The following ADARB2 variants were observed in gnomAD, a reference collection of about 807,000 sequenced individuals.
The protein encoded by ADARB2 is inactive double-stranded RNA-specific editase B2.
Under a neutral mutation model 62.2 loss-of-function variants are expected in ADARB2, and 25 were observed. That is an observed-to-expected ratio of 0.40 (90% CI 0.29 to 0.56). The LOEUF (loss-of-function observed/expected upper bound fraction) is 0.56. Among genes scored for constraint, ADARB2 ranks in the 20% least tolerant of loss-of-function variants. The pLI is 0.43. For missense variants in ADARB2, 1,071 were observed against 1,077.4 expected (o/e 0.99, Z 0.08); for synonymous variants, 572 against 500.8 (o/e 1.14, Z -1.90).
intron 3 of ADARB2, among the ~76,000 whole-genome samples, chr10:1,355,870 CAT>C (rs565144099): frequency 1.8e-4 from 28 of 152,160 alleles, no homozygotes; most frequent in East Asian, 1.2e-3. Flanking sequence ...GTTGTGTAAA[CAT>C]ATCACAATTG....
intron 1 of ADARB2, among the ~76,000 whole-genome samples, chr10:1,733,356 G>T (rs884860): frequency 0.48 from 73,261 of 151,998 alleles, 18,089 homozygotes; most frequent in Non-Finnish European, 0.52. Context: ...ATGGGTAGAA[G>T]ATTAAAAATA....
intron 1 of ADARB2, among the ~76,000 whole-genome samples, chr10:1,650,724 C>T (rs1034562962): frequency 6.6e-6 from 1 of 152,216 alleles, no homozygotes; most frequent in African/African-American, 2.4e-5. Context: ...CCGCCCACTG[C>T]AGTCCCGGAT....
At chr10:1,549,394 T>C (rs531584865) in intron 1 of ADARB2, among the ~76,000 whole-genome samples, 1 of 152,272 alleles carries the variant, frequency 6.6e-6, no homozygotes, top group South Asian at 2.1e-4. Context: ...TTGTGATTCA[T>C]CTTTGTTATT....
At chr10:1,603,479 C>A (rs978637415) in intron 1 of ADARB2, among the ~76,000 whole-genome samples, 1 of 152,156 alleles carries the variant, frequency 6.6e-6, no homozygotes, top group Non-Finnish European at 1.5e-5. Context: ...AAAAGGATGT[C>A]CCCTAACCTC....
At chr10:1,506,933 C>A (rs1831860285) in intron 1 of ADARB2, among the ~76,000 whole-genome samples, 1 of 152,220 alleles carries the variant, frequency 6.6e-6, no homozygotes, top group South Asian at 2.1e-4. Context: ...GAGCAGGTGG[C>A]TGGCTGCAGG....
At chr10:1,615,419 C>T (rs1157161892) in intron 1 of ADARB2, among the ~76,000 whole-genome samples, 1 of 152,230 alleles carries the variant, frequency 6.6e-6, no homozygotes, top group East Asian at 1.9e-4. Context: ...TCACTGCCAT[C>T]GCCAGTTACC....
intron 1 of ADARB2, among the ~76,000 whole-genome samples, chr10:1,621,825 C>T (rs756143705): frequency 1.3e-5 from 2 of 152,120 alleles, no homozygotes; most frequent in Non-Finnish European, 2.9e-5. Flanking sequence ...CAATCTCTGC[C>T]AAATCTCAAA....
intron 1 of ADARB2, among the ~76,000 whole-genome samples, chr10:1,625,221 G>T: frequency 6.6e-6 from 1 of 152,226 alleles, no homozygotes. Flanking sequence ...AGCAGAGGCT[G>T]CTCTCAGCTC....
intron 1 of ADARB2, among the ~76,000 whole-genome samples, chr10:1,613,656 C>T (rs1472261631): frequency 1.3e-5 from 2 of 152,186 alleles, no homozygotes; most frequent in Non-Finnish European, 2.9e-5. Flanking sequence ...TGGGATTTTC[C>T]TGGAAGTTAT....
intron 1 of ADARB2, among the ~76,000 whole-genome samples, chr10:1,595,560 C>G (rs1170012329): frequency 3.3e-5 from 5 of 152,200 alleles, no homozygotes; most frequent in African/African-American, 1.2e-4. Context: ...AGGGCCGAGG[C>G]TCAGCTGTCA....
At chr10:1,703,477 G>A (rs942997047) in intron 1 of ADARB2, among the ~76,000 whole-genome samples, 2 of 152,152 alleles carry the variant, frequency 1.3e-5, no homozygotes, top group Non-Finnish European at 2.9e-5. Flanking sequence ...AGTAGTGTGT[G>A]TTTGAGTAGG....
intron 1 of ADARB2, among the ~76,000 whole-genome samples, chr10:1,405,035 C>T (rs1013094970): frequency 3.9e-5 from 6 of 152,138 alleles, no homozygotes; most frequent in African/African-American, 1.2e-4. Flanking sequence ...AGGATCGTTG[C>T]GTCTTCAGAA....
At chr10:1,305,585 CAG>C (rs1188507590) in intron 3 of ADARB2, among the ~76,000 whole-genome samples, 2 of 152,100 alleles carry the variant, frequency 1.3e-5, no homozygotes, top group South Asian at 4.2e-4. Flanking sequence ...CAAAGCCTGG[CAG>C]AGACACAACC....
intron 1 of ADARB2, among the ~76,000 whole-genome samples, chr10:1,591,698 C>T (rs1030400103): frequency 8.5e-5 from 13 of 152,106 alleles, no homozygotes; most frequent in African/African-American, 3.1e-4. Context: ...CACCAGGACC[C>T]CCCCACCTGC....
chr10:1,641,506 G>A (rs1909441), intron 1 of ADARB2, among the ~76,000 whole-genome samples: 36,205 of 152,166 alleles, frequency 0.24, 4,619 homozygotes, highest in Middle Eastern at 0.33. Context: ...AAGCTACTGG[G>A]GTTTTAGCCA....
intron 3 of ADARB2, among the ~76,000 whole-genome samples, chr10:1,333,413 G>C (rs2131834988): frequency 6.6e-6 from 1 of 152,288 alleles, no homozygotes; most frequent in African/African-American, 2.4e-5. Flanking sequence ...CTCACAGGGA[G>C]AGCCAGGGTT....
rs1433140767 is a variant in ADARB2 at position 1,326,775 on chromosome 10, C to CG, written c.1077+36252_1077+36253insC. 5.3e-4 allele frequency among the ~76,000 whole-genome samples: 59 copies of CG among 111,462 alleles called. 6 individuals carry two copies. The highest frequency in any genetic ancestry group is 1.6e-3 in the African/African-American group (54 of 32,918). The allele number at this position is 111,462 out of a possible 152,430, so 73.1% of individuals were successfully genotyped here. On this transcript the variant is annotated intron_variant, in intron 3 of 9. Coordinates refer to ENST00000381312, the MANE Select transcript of ADARB2 (RefSeq NM_018702.4). ...CGGCACGGCGCCTCTGGTAGCACAG[C>CG]CCCTCCTCACTGCCCAGCGCCTCCC...
At chr10:1,712,482 C>T (rs562155620) in intron 1 of ADARB2, among the ~76,000 whole-genome samples, 2 of 151,752 alleles carry the variant, frequency 1.3e-5, no homozygotes, top group East Asian at 1.9e-4. Flanking sequence ...TGTGGAAGCA[C>T]AGGGGGCAGG....
intron 1 of ADARB2, among the ~76,000 whole-genome samples, chr10:1,519,377 G>A (rs1032786135): frequency 3.9e-5 from 6 of 152,154 alleles, no homozygotes; most frequent in East Asian, 1.9e-4. Context: ...TCTGTGTAAC[G>A]ACTGCAGGTG....
Sources: gnomAD v4.1 joint callset for allele counts (sites outside exome capture counted in the v4.1 genomes callset) on GRCh38, gnomAD v4.1.1 for gene constraint, MANE v1.5 for transcripts, NCBI Gene and HGNC (gene_info 2026-07-23, HGNC 2026-07-21) for gene names.